Variants in KL observed in about 807,000 individuals in gnomAD.
The protein encoded by KL is alpha-klotho.
Under a neutral mutation model 84.2 loss-of-function variants are expected in KL, and 62 were observed. The observed-to-expected ratio is 0.74, with a 90% CI of 0.60 to 0.91. The LOEUF is 0.91. KL is among the 40% of genes least tolerant of loss of function. The probability of loss-of-function intolerance (pLI) is 0.00; values close to 1 mark genes in which losing one functional copy is unlikely to be tolerated. For synonymous variants in KL, 528 were observed against 528.0 expected, an observed-to-expected ratio of 1.00 and a Z score of 0.00; for missense variants, 1,261 against 1,305.7, an observed-to-expected ratio of 0.97 and a Z score of 0.53.
intron 1 of KL, among the ~76,000 whole-genome samples, chr13:33,044,128 G>C (rs1440716535): frequency 5.3e-5 from 8 of 152,134 alleles, no homozygotes; most frequent in Non-Finnish European, 1.2e-4. Flanking sequence ...GCATTCGTTA[G>C]AAATCAGTTG....
rs1451382423 is a variant in KL at position 33,060,813 on chromosome 13, C to A, written c.1734C>A (p.Ile578=). Residue 578 remains isoleucine (I), a synonymous_variant, in exon 4 of 5, where the codon ATC becomes ATA. Coordinates refer to ENST00000380099, the MANE Select transcript of KL (RefSeq NM_004795.4). The stretch of plus-strand genomic sequence containing the variant: ...CCTACTGTGTTGACTTTGCTGCCAT[C>A]CAGCCCCAGATCGCTTTACTCCAGG... The part of the protein sequence containing the change: ...RKSYCVDFAA[I]QPQIALLQEM... 2.0e-5 allele frequency: 32 copies of A among 1,614,118 alleles called. No homozygotes were observed. The highest frequency in any genetic ancestry group is 2.6e-5 in the Non-Finnish European group (31 of 1,180,050).
intron 1 of KL, among the ~76,000 whole-genome samples, chr13:33,033,349 C>A (rs962298453): frequency 1.3e-5 from 2 of 152,162 alleles, no homozygotes; most frequent in African/African-American, 4.8e-5. Context: ...TTAAGCCTTG[C>A]CGTTTTAAAA....
chr13:33,021,438 C>A (rs575835485), intron 1 of KL, among the ~76,000 whole-genome samples: 1 of 152,212 alleles, frequency 6.6e-6, no homozygotes, highest in African/African-American at 2.4e-5. Flanking sequence ...TCCTGGCCAG[C>A]TTTAGGAGTA....
chr13:33,034,988 G>T (rs866485288), intron 1 of KL, among the ~76,000 whole-genome samples: 1 of 152,168 alleles, frequency 6.6e-6, no homozygotes. Context: ...TTTCAAAATT[G>T]CTGAGGCTAC....
At chr13:33,019,163 C>T (rs576362610) in intron 1 of KL, among the ~76,000 whole-genome samples, 4 of 152,222 alleles carry the variant, frequency 2.6e-5, no homozygotes, top group Admixed American at 6.5e-5. Flanking sequence ...TTTGCTTTCA[C>T]ATTTCTTTTG....
chr13:33,028,135 C>G (rs1266003406), intron 1 of KL, among the ~76,000 whole-genome samples: 1 of 152,166 alleles, frequency 6.6e-6, no homozygotes, highest in Non-Finnish European at 1.5e-5. Context: ...CATTAGTTCC[C>G]CTGCCATGTT....
At chr13:33,029,649 T>A (rs1000641829) in intron 1 of KL, among the ~76,000 whole-genome samples, 5 of 152,256 alleles carry the variant, frequency 3.3e-5, no homozygotes, top group African/African-American at 9.6e-5. Context: ...TTATTTATTT[T>A]TTGAGACGGA....
At chr13:33,017,326 G>C (rs9315201) in intron 1 of KL, 67 bp downstream of exon 1, 3 of 1,388,274 alleles carry the variant, frequency 2.2e-6, no homozygotes, top group East Asian at 2.5e-5. Flanking sequence ...GGGCCAGGGG[G>C]AAGTGTGGGA....
chr13:33,052,162 G>T (rs1021085187), intron 1 of KL, among the ~76,000 whole-genome samples: 3 of 152,142 alleles, frequency 2.0e-5, no homozygotes, highest in African/African-American at 7.2e-5. Context: ...CTCACTCTTT[G>T]CGCAGGCTAG....
chr13:33,057,438 A>G (rs891387642), intron 3 of KL, among the ~76,000 whole-genome samples: 9 of 152,230 alleles, frequency 5.9e-5, no homozygotes, highest in African/African-American at 2.2e-4. Context: ...CAATAAGTAT[A>G]GCAGTGAATA....
chr13:33,054,108 C>T lies in KL; in HGVS notation c.1161C>T (p.Arg387=), dbSNP rs768970260. ...FQLLDPHMKF[R]QLESPNLRQL... The stretch of plus-strand genomic sequence containing the variant: ...TTTTGGACCCTCACATGAAGTTCCG[C>T]CAATTGGAATCTCCCAACCTGAGGC... The change falls in exon 2 of 5, where the codon CGC becomes CGT. Residue 387 remains arginine, a synonymous_variant. Transcript: ENST00000380099. 3 of 1,613,912 alleles carry T rather than the reference C, an allele frequency of 1.9e-6. No individual in the cohort carries two copies. The African/African-American group carries it at 4.0e-5, about 22-fold the overall frequency.
At chr13:33,043,528 G>GT (rs1871415513) in intron 1 of KL, among the ~76,000 whole-genome samples, 1 of 152,116 alleles carries the variant, frequency 6.6e-6, no homozygotes, top group Non-Finnish European at 1.5e-5. Context: ...CCTGTTGCCA[G>GT]TATTTTTAGT....
chr13:33,029,756 C>T (rs1234777864), intron 1 of KL, among the ~76,000 whole-genome samples: 1 of 152,154 alleles, frequency 6.6e-6, no homozygotes, highest in Non-Finnish European at 1.5e-5. Flanking sequence ...GCCTCAGCCT[C>T]CCGAGTAGCT....
chr13:33,063,715 T>G, intron 4 of KL, 134 bp from the exon 5 acceptor site: 1 of 798,396 alleles, frequency 1.3e-6, no homozygotes, highest in African/African-American at 1.7e-5. Flanking sequence ...AGGCGGAGGT[T>G]GCAGTGAGTC....
At chr13:33,019,708 GGTGTGTGT>G (rs111786826) in intron 1 of KL, among the ~76,000 whole-genome samples, 3 of 133,174 alleles carry the variant, frequency 2.3e-5, no homozygotes, top group African/African-American at 5.6e-5. Context: ...TGGCAAAAAT[GGTGTGTGT>G]GTGTGTGTGT....
At chr13:33,060,556 A>G (rs972811689) in intron 3 of KL, 123 bp from the exon 4 acceptor site, 10 of 1,078,244 alleles carry the variant, frequency 9.3e-6, no homozygotes, top group East Asian at 4.8e-5. Flanking sequence ...AATAGTTCAC[A>G]TTCTCAGCTA....
chr13:33,056,834 TC>T (rs1421492397), intron 3 of KL, among the ~76,000 whole-genome samples: 2 of 151,892 alleles, frequency 1.3e-5, no homozygotes, highest in African/African-American at 4.8e-5. Flanking sequence ...GGATGTGTCA[TC>T]TTTTATGCCA....
chr13:33,045,474 T>A (rs1373454325), intron 1 of KL, among the ~76,000 whole-genome samples: 2 of 152,142 alleles, frequency 1.3e-5, no homozygotes, highest in Non-Finnish European at 2.9e-5. Flanking sequence ...ATTTTCATAA[T>A]TTTTTGTTTG....
chr13:33,019,481 C>T (rs955868235), intron 1 of KL, among the ~76,000 whole-genome samples: 3 of 151,928 alleles, frequency 2.0e-5, no homozygotes, highest in Non-Finnish European at 4.4e-5. Context: ...TGGCTAGCAC[C>T]CTTCCCTCAC....
Sources: gnomAD v4.1 joint callset for allele counts (sites outside exome capture counted in the v4.1 genomes callset) on GRCh38, gnomAD v4.1.1 for gene constraint, MANE v1.5 for transcripts, NCBI Gene and HGNC (gene_info 2026-07-23, HGNC 2026-07-21) for gene names.